CNN3: variants seen among roughly 807,000 people sequenced by gnomAD.
CNN3 encodes the protein calponin-3.
A neutral mutation model predicts 39.0 loss-of-function variants in CNN3; 11 were observed. The observed-to-expected ratio is 0.28, with a 90% CI of 0.18 to 0.47. The LOEUF is 0.47. Ranked by LOEUF, CNN3 falls within the 20% of genes least tolerant of loss-of-function variation. CNN3 has a pLI of 0.99. For synonymous variants in CNN3, 101 were observed against 138.3 expected, an observed-to-expected ratio of 0.73 and a Z score of 1.89; for missense variants, 266 against 403.4, an observed-to-expected ratio of 0.66 and a Z score of 2.92.
chr1:94,918,494 A>C (rs1458689419), intron 1 of CNN3, among the ~76,000 whole-genome samples: 9 of 73,252 alleles, frequency 1.2e-4, no homozygotes, highest in Admixed American at 5.6e-4. Flanking sequence ...ACTGTCTCCC[A>C]AAAAAAATAA....
At chr1:94,908,358 T>C (rs979403217) in intron 1 of CNN3, among the ~76,000 whole-genome samples, 1 of 152,136 alleles carries the variant, frequency 6.6e-6, no homozygotes, top group Non-Finnish European at 1.5e-5. Flanking sequence ...GCTCATCCTG[T>C]TGTGGTCGTG....
chr1:94,922,113 T>C (rs1410625343), intron 1 of CNN3, among the ~76,000 whole-genome samples: 1 of 152,146 alleles, frequency 6.6e-6, no homozygotes, highest in African/African-American at 2.4e-5. Context: ...ATTAACTATT[T>C]AACTACTTAA....
intron 1 of CNN3, among the ~76,000 whole-genome samples, chr1:94,921,283 T>C (rs1262006284): frequency 2.6e-5 from 4 of 152,128 alleles, no homozygotes; most frequent in African/African-American, 9.7e-5. Flanking sequence ...TAATTCCAGC[T>C]ACTCGGGAGG....
intron 1 of CNN3, among the ~76,000 whole-genome samples, chr1:94,906,466 A>AT (rs3838308): frequency 0.3 from 45,352 of 151,012 alleles, 7,050 homozygotes; most frequent in African/African-American, 0.39. Flanking sequence ...TTGTAAGGTG[A>AT]TTTTTTTTTT....
intron 5 of CNN3, among the ~76,000 whole-genome samples, chr1:94,901,124 T>C (rs859060): frequency 0.99 from 150,725 of 152,214 alleles, 74,652 homozygotes; most frequent in Middle Eastern, 1. Flanking sequence ...GAGGCCGAGG[T>C]GGGCAGATCA....
chr1:94,897,860 T>C lies in CNN3; in HGVS notation c.872A>G (p.Asn291Ser). 2 of 1,614,156 alleles carry C rather than the reference T, an allele frequency of 1.2e-6. No homozygotes were observed. The highest frequency in any genetic ancestry group is 1.7e-6 in the Non-Finnish European group (2 of 1,180,006). The change falls in exon 7 of 7, where the codon AAT becomes AGT. Residue 291 changes from asparagine to serine, a missense_variant. Transcript: ENST00000370206. ...ATCACTATCACTGATTTCCGAACCA[T>C]TTGTTCCTGTTCCTTGGCTTCCGTT... ...IHNGSQGTGT[N>S]GSEISDSDYQ...
intron 1 of CNN3, among the ~76,000 whole-genome samples, chr1:94,921,453 T>C (rs1671441385): frequency 6.6e-6 from 1 of 152,160 alleles, no homozygotes; most frequent in African/African-American, 2.4e-5. Context: ...AATACAATGC[T>C]AATGATGGGT....
At chr1:94,899,603 G>A in intron 5 of CNN3, 86 bp from the exon 6 acceptor site, 7 of 1,395,730 alleles carry the variant, frequency 5.0e-6, no homozygotes, top group Non-Finnish European at 6.8e-6. Context: ...CTACCAAAAA[G>A]ACAGAAGGGG....
chr1:94,904,230 A>G (rs1670941347), intron 1 of CNN3, among the ~76,000 whole-genome samples: 1 of 152,212 alleles, frequency 6.6e-6, no homozygotes. Flanking sequence ...GCAGAATTCA[A>G]AAATAAAGGC....
At position 94,926,856 on chromosome 1, in the gene CNN3, C is replaced by T. The variant is rs1671598560; in HGVS notation, c.39G>A (p.Ser13=). ...HFNKGPSYGL[S]AEVKNKIASK... is the part of the protein sequence containing the mutation. ...GGCGTACCTTGTTCTTGACTTCGGC[C>T]GAGAGCCCATAGGAAGGGCCCTTGT... is the stretch of plus-strand genomic sequence containing the variant. The change falls in exon 1 of 7, where the codon TCG becomes TCA. Residue 13 remains serine, a synonymous_variant. Coordinates refer to ENST00000370206, the MANE Select transcript of CNN3 (RefSeq NM_001839.5). The surrounding 1 kb of genome is among the most constrained non-coding windows in gnomAD (Gnocchi z 4.2). 6.2e-7 allele frequency: 1 copy of T among 1,610,838 alleles called. No homozygotes were observed. Among genetic ancestry groups the T allele is most frequent in the Admixed American group, 1.7e-5 (1 of 59,904 alleles).
In CNN3 at chr1:94,898,010, G is replaced by A. The variant is rs768694788; in HGVS notation, c.722C>T (p.Ser241Leu). The change falls in exon 7 of 7, where the codon TCG becomes TTG. Residue 241 changes from serine to leucine, a missense_variant. Physicochemically the swap from Ser to Leu is moderately radical, Grantham distance 145 (BLOSUM62 -2). Coordinates refer to ENST00000370206, the MANE Select transcript of CNN3 (RefSeq NM_001839.5). ...GGTACCCATCTGTAGGGAAATTGTC[G>A]AGTTGTCCACCGGCTGTAATGTTAG... is the stretch of plus-strand genomic sequence containing the variant. ...QKLTLQPVDN[S>L]TISLQMGTNK... 11 of 1,613,912 alleles carry A rather than the reference G, an allele frequency of 6.8e-6. No individual in the cohort carries two copies. In the East Asian group the frequency reaches 1.6e-4, roughly 23 times the overall value.
intron 1 of CNN3, among the ~76,000 whole-genome samples, chr1:94,912,042 G>A (rs1671179723): frequency 6.6e-6 from 1 of 151,976 alleles, no homozygotes; most frequent in Non-Finnish European, 1.5e-5. Flanking sequence ...CTCCAGCTTG[G>A]GCAACAAGAG....
At chr1:94,911,881 C>T (rs754672894) in intron 1 of CNN3, among the ~76,000 whole-genome samples, 7 of 152,146 alleles carry the variant, frequency 4.6e-5, no homozygotes, top group Non-Finnish European at 7.3e-5. Flanking sequence ...CTCAACTTCG[C>T]TAACATGGTG....
chr1:94,904,590 T>C (rs1670948717), intron 1 of CNN3, among the ~76,000 whole-genome samples: 1 of 151,858 alleles, frequency 6.6e-6, no homozygotes, highest in African/African-American at 2.4e-5. Context: ...CTACTAAAAA[T>C]AAAAAATTCA....
chr1:94,897,648 G>A lies in CNN3; in HGVS notation c.*94C>T. On this transcript the variant is annotated 3_prime_UTR_variant, in exon 7 of 7. Transcript: ENST00000370206. The stretch of plus-strand genomic sequence containing the variant: ...TTAAAAGTACAATAAGCTTAATAGT[G>A]TTTTAGGAAGACAAGATAAAAATTA... The A allele has an allele frequency of 3.4e-6, 4 of 1,182,842 alleles. No homozygotes were observed. Among genetic ancestry groups the A allele is most frequent in the Non-Finnish European group, 4.8e-6 (4 of 829,516 alleles). 73.3% of individuals were successfully genotyped at this position (1,182,842 alleles called of 1,614,324 possible). A position where few individuals can be genotyped will look rare whatever the true frequency, so the allele number is the denominator to read the frequency against.
intron 1 of CNN3, among the ~76,000 whole-genome samples, chr1:94,905,454 C>A (rs1385820745): frequency 6.6e-6 from 1 of 152,126 alleles, no homozygotes; most frequent in Non-Finnish European, 1.5e-5. Context: ...TTTTCCCCTC[C>A]CCGCCACGCC....
chr1:94,924,278 G>A (rs915536600), intron 1 of CNN3: 5 of 152,212 alleles, frequency 3.3e-5, no homozygotes, highest in African/African-American at 1.2e-4. Context: ...ATCAGAAACA[G>A]TATGACATAA....
chr1:94,912,749 A>G (rs1022746989), intron 1 of CNN3, among the ~76,000 whole-genome samples: 2 of 152,234 alleles, frequency 1.3e-5, no homozygotes, highest in African/African-American at 4.8e-5. Flanking sequence ...AGGCATCTGC[A>G]TTTGAATGTC....
chr1:94,909,907 G>A (rs1237626042), intron 1 of CNN3, among the ~76,000 whole-genome samples: 1 of 152,130 alleles, frequency 6.6e-6, no homozygotes, highest in Admixed American at 6.5e-5. Context: ...GTAGAGTGAT[G>A]ACATTCATGT....
Sources: allele counts gnomAD v4.1 joint callset (sites outside exome capture counted in the v4.1 genomes callset), GRCh38; gene constraint gnomAD v4.1.1; non-coding constraint Gnocchi (gnomAD v3.1); transcripts MANE v1.5; gene names NCBI Gene and HGNC (gene_info 2026-07-23, HGNC 2026-07-21).